The following SH3BP5 variants were observed in gnomAD, a reference collection of about 807,000 sequenced individuals.
SH3BP5 encodes the protein SH3 domain binding protein 5, also known as SH3 domain-binding protein 5.
A neutral mutation model predicts 43.3 loss-of-function variants in SH3BP5; 22 were observed. The observed-to-expected ratio is 0.51, with a 90% CI of 0.36 to 0.73. The LOEUF (loss-of-function observed/expected upper bound fraction) is 0.73, where lower values mean the gene tolerates loss of function less well. Among genes scored for constraint, SH3BP5 ranks in the 30% least tolerant of loss-of-function variants. The pLI is 0.00. For synonymous variants in SH3BP5, 255 were observed against 225.8 expected, an observed-to-expected ratio of 1.13 and a Z score of -1.16; for missense variants, 529 against 586.9, an observed-to-expected ratio of 0.90 and a Z score of 1.02.
At position 15,255,796 on chromosome 3, in the gene SH3BP5, T is replaced by G. The variant is rs1434893203; in HGVS notation, c.*290A>C. ...TTCCCAGCCATCTTCCCAGCTCTGG[T>G]TCTTTCATAGGAACTAGTTATTGCT... On this transcript the variant is annotated 3_prime_UTR_variant, in exon 9 of 9. Transcript: ENST00000383791. The G allele has an allele frequency of 3.5e-6, 1 of 285,064 alleles. No individual in the cohort carries two copies. The highest frequency in any genetic ancestry group is 2.2e-5 in the African/African-American group (1 of 46,094). The allele number at this position is 285,064 out of a possible 1,614,324, so 17.7% of individuals were successfully genotyped here.
chr3:15,277,559 A>C (rs999464529), intron 3 of SH3BP5, among the ~76,000 whole-genome samples: 11 of 152,228 alleles, frequency 7.2e-5, no homozygotes, highest in Non-Finnish European at 1.3e-4. Flanking sequence ...GAAAGCCCTC[A>C]TGCCTGCCTG....
At position 15,259,008 on chromosome 3, in the gene SH3BP5, G is replaced by C. The variant is rs764774487; in HGVS notation, c.712C>G (p.Leu238Val). The change falls in exon 7 of 9, where the codon CTG (leucine) becomes GTG (valine). Residue 238 changes from leucine (L) to valine (V), a missense_variant. Around this residue, in one of 3 missense-constraint regions of SH3BP5, gnomAD observed 369 missense variants for 384.3 expected, o/e 0.96. Transcript: ENST00000383791. ...TVDDLQAKLT[L>V]AKGEYKMALK... is the part of the protein sequence containing the mutation. Reference sequence around the variant, plus strand: ...GCCATCTTGTACTCGCCTTTTGCCAGGGTCAGTTTGGCCTGCAGGTCATCC... The same window carrying C: ...GCCATCTTGTACTCGCCTTTTGCCACGGTCAGTTTGGCCTGCAGGTCATCC... The C allele has an allele frequency of 2.5e-5, 40 of 1,614,092 alleles. No homozygotes were observed. The highest frequency in any genetic ancestry group is 3.3e-5 in the Non-Finnish European group (39 of 1,180,042).
At chr3:15,295,231 T>C (rs887842910) in intron 3 of SH3BP5, among the ~76,000 whole-genome samples, 2 of 152,198 alleles carry the variant, frequency 1.3e-5, no homozygotes, top group Admixed American at 1.3e-4. Flanking sequence ...ACAGCTTCCG[T>C]ATTTGTGAAT....
intron 3 of SH3BP5, among the ~76,000 whole-genome samples, chr3:15,280,169 G>A (rs145529508): frequency 2.6e-5 from 4 of 152,186 alleles, no homozygotes; most frequent in Non-Finnish European, 4.4e-5. Context: ...CGGGAACGAC[G>A]CATCCCAAAT....
chr3:15,323,277 A>G (rs1403333634), intron 2 of SH3BP5, among the ~76,000 whole-genome samples: 3 of 152,188 alleles, frequency 2.0e-5, no homozygotes. Context: ...CCTGGCCTGT[A>G]TGAGCCCTCC....
intron 3 of SH3BP5, among the ~76,000 whole-genome samples, chr3:15,277,148 G>A (rs930642586): frequency 6.6e-6 from 1 of 152,014 alleles, no homozygotes; most frequent in Non-Finnish European, 1.5e-5. Context: ...ACGAAACAGG[G>A]TTTTTTAGTA....
At chr3:15,330,093 C>T (rs1360333075) in intron 2 of SH3BP5, among the ~76,000 whole-genome samples, 1 of 152,244 alleles carries the variant, frequency 6.6e-6, no homozygotes, top group Non-Finnish European at 1.5e-5. Flanking sequence ...TGGTCGAAGT[C>T]AGAGGAAACA....
chr3:15,336,283 G>C (rs1047090157), upstream of SH3BP5, among the ~76,000 whole-genome samples: 1 of 152,214 alleles, frequency 6.6e-6, no homozygotes, highest in Admixed American at 6.5e-5. Flanking sequence ...ATGTGGGTAG[G>C]ACAGAGACAG....
At chr3:15,261,727 A>G (rs1335765818) in intron 5 of SH3BP5, among the ~76,000 whole-genome samples, 1 of 151,912 alleles carries the variant, frequency 6.6e-6, no homozygotes, top group Non-Finnish European at 1.5e-5. Flanking sequence ...TACTAAAGCC[A>G]GTCTTACAGC....
At chr3:15,299,609 T>C (rs1697676934) in intron 3 of SH3BP5, among the ~76,000 whole-genome samples, 1 of 151,166 alleles carries the variant, frequency 6.6e-6, no homozygotes, top group South Asian at 2.1e-4. Context: ...TCCTCCTGCT[T>C]CAGCCTCCTA....
At chr3:15,268,076 G>A (rs893471040) in intron 4 of SH3BP5, among the ~76,000 whole-genome samples, 1 of 152,156 alleles carries the variant, frequency 6.6e-6, no homozygotes, top group African/African-American at 2.4e-5. Context: ...ACCCAGAAAA[G>A]TTGTTTCTAG....
upstream of SH3BP5, among the ~76,000 whole-genome samples, chr3:15,334,569 G>GAA (rs142717483): frequency 0.026 from 3,795 of 143,212 alleles, 75 homozygotes; most frequent in South Asian, 0.11. Flanking sequence ...TTGCTCTCTA[G>GAA]AAAAAAAAAA....
intron 4 of SH3BP5, among the ~76,000 whole-genome samples, chr3:15,268,433 A>C (rs1433196141): frequency 6.6e-6 from 1 of 152,082 alleles, no homozygotes; most frequent in South Asian, 2.1e-4. Flanking sequence ...CCAGGGTCTT[A>C]TTGGAGCTGC....
At chr3:15,263,984 AG>A (rs765688544) in intron 4 of SH3BP5, among the ~76,000 whole-genome samples, 5 of 152,230 alleles carry the variant, frequency 3.3e-5, no homozygotes, top group Non-Finnish European at 7.3e-5. Context: ...GAACAATTTT[AG>A]GGAGGTACCA....
chr3:15,275,774 A>AC (rs1696945388), intron 3 of SH3BP5: 1 of 152,212 alleles, frequency 6.6e-6, no homozygotes, highest in Non-Finnish European at 1.5e-5. Context: ...TAATCCCAGC[A>AC]CTATGGAAGG....
At chr3:15,306,354 G>A (rs986087364) in intron 2 of SH3BP5, among the ~76,000 whole-genome samples, 4 of 151,862 alleles carry the variant, frequency 2.6e-5, no homozygotes, top group African/African-American at 4.8e-5. Context: ...GCGAGACTCC[G>A]TCTCAAACAA....
intron 2 of SH3BP5, among the ~76,000 whole-genome samples, chr3:15,309,254 G>A (rs182248754): frequency 6.6e-6 from 1 of 152,274 alleles, no homozygotes; most frequent in Admixed American, 6.5e-5. Context: ...AAAAAACAGG[G>A]GTAGGGTGGG....
At chr3:15,296,172 T>G (rs1165930378) in intron 3 of SH3BP5, among the ~76,000 whole-genome samples, 1 of 152,170 alleles carries the variant, frequency 6.6e-6, no homozygotes, top group Non-Finnish European at 1.5e-5. Flanking sequence ...TGTATTTACC[T>G]CTGCCATAAC....
Position 15,332,325 on chromosome 3 carries a change from T to A in SH3BP5, c.84A>T (p.Glu28Asp). ...CCTCCAGCCCCTGCTCCATCCCCTCTTCCTCCTCCTCCTCCTCGTCCCGGG... is the reference window on the plus strand; with the variant it reads ...CCTCCAGCCCCTGCTCCATCCCCTCATCCTCCTCCTCCTCCTCGTCCCGGG... ...PPARDEEEEEEEGMEQGLEEE... is the reference protein window; with the variant it reads ...PPARDEEEEEDEGMEQGLEEE... The change falls in exon 1 of 9, where the codon GAA (glutamate) becomes GAT (aspartate). Residue 28 changes from glutamate (E) to aspartate (D), a missense_variant. Physicochemically the swap from Glu to Asp is conservative, Grantham distance 45. Transcript: ENST00000383791. 1 of 1,529,428 alleles carries A rather than the reference T, an allele frequency of 6.5e-7. No individual in the cohort carries two copies. 94.7% of individuals were successfully genotyped at this position (1,529,428 alleles called of 1,614,324 possible). A position where few individuals can be genotyped will look rare whatever the true frequency, so the allele number is the denominator to read the frequency against.
Sources: allele counts gnomAD v4.1 joint callset (sites outside exome capture counted in the v4.1 genomes callset), GRCh38; gene constraint gnomAD v4.1.1; regional missense constraint gnomAD v4.1.1; transcripts MANE v1.5; gene names NCBI Gene and HGNC (gene_info 2026-07-23, HGNC 2026-07-21).